Variants in OPCML observed in about 807,000 individuals in gnomAD.
OPCML encodes the protein opioid binding protein/cell adhesion molecule like, also known as opioid-binding protein/cell adhesion molecule.
In OPCML, 13 loss-of-function variants were observed where a neutral mutation model predicts 37.8. The observed-to-expected ratio is 0.34, with a 90% CI of 0.22 to 0.55. The LOEUF (loss-of-function observed/expected upper bound fraction) is 0.55. Ranked by LOEUF, OPCML falls within the 20% of genes least tolerant of loss-of-function variation. The probability of loss-of-function intolerance (pLI) is 0.91; values close to 1 mark genes in which losing one functional copy is unlikely to be tolerated. For synonymous variants in OPCML, 176 were observed against 168.8 expected (o/e 1.04, Z -0.33); for missense variants, 341 against 435.6 (o/e 0.78, Z 1.93).
At chr11:132,606,040 TC>T (rs1370663365) in intron 3 of OPCML, among the ~76,000 whole-genome samples, 1 of 152,168 alleles carries the variant, frequency 6.6e-6, no homozygotes, top group East Asian at 1.9e-4. Flanking sequence ...GGTACTTGGG[TC>T]CTTTTTCTTC....
chr11:132,671,605 A>G (rs1027831917), intron 2 of OPCML, among the ~76,000 whole-genome samples: 3 of 152,132 alleles, frequency 2.0e-5, no homozygotes, highest in African/African-American at 7.2e-5. Context: ...AGCCTTCTCC[A>G]TTTTACTCAT....
chr11:132,489,606 A>G (rs2096209719), intron 4 of OPCML, among the ~76,000 whole-genome samples: 1 of 152,172 alleles, frequency 6.6e-6, no homozygotes, highest in Admixed American at 6.5e-5. Context: ...TCACTAGGCA[A>G]CTGTGAGTTT....
chr11:132,578,803 C>T (rs1320837257), intron 3 of OPCML, among the ~76,000 whole-genome samples: 1 of 152,138 alleles, frequency 6.6e-6, no homozygotes, highest in East Asian at 1.9e-4. Context: ...GGAGCATTAT[C>T]ATATGCAATA....
In OPCML at chr11:133,434,434, G is replaced by T. The variant is rs143394665; in HGVS notation, c.61+97830C>A. Among the ~76,000 whole-genome samples, 1,139 of 147,770 alleles carry T rather than the reference G, an allele frequency of 7.7e-3. 12 individuals carry two copies. Among genetic ancestry groups the T allele is most frequent in the African/African-American group, 0.026 (1,007 of 39,260 alleles). ...TCATATTGAATATATATCAGACCTT[G>T]CTCATTTGTGTATAGAAGTTAGCAC... On this transcript the variant is annotated intron_variant, in intron 1 of 7. Coordinates refer to ENST00000524381, the MANE Select transcript of OPCML (RefSeq NM_001012393.5).
intron 1 of OPCML, among the ~76,000 whole-genome samples, chr11:133,100,164 T>A (rs1949065112): frequency 6.6e-6 from 1 of 152,136 alleles, no homozygotes; most frequent in Admixed American, 6.5e-5. Context: ...CTGAGTCTAC[T>A]TGAGCAGGAA....
chr11:132,957,907 A>G (rs1946005733), intron 1 of OPCML, among the ~76,000 whole-genome samples: 1 of 152,196 alleles, frequency 6.6e-6, no homozygotes, highest in Non-Finnish European at 1.5e-5. Context: ...CTGTTCCCTG[A>G]GACACAAAAA....
At chr11:132,556,524 C>T (rs1390456731) in intron 3 of OPCML, among the ~76,000 whole-genome samples, 2 of 152,184 alleles carry the variant, frequency 1.3e-5, no homozygotes, top group Non-Finnish European at 2.9e-5. Context: ...CCAAAGGTCA[C>T]ACAAACAGGA....
intron 4 of OPCML, among the ~76,000 whole-genome samples, chr11:132,492,510 CATT>C (rs966325989): frequency 5.9e-5 from 9 of 151,910 alleles, no homozygotes; most frequent in Non-Finnish European, 1.2e-4. Flanking sequence ...TTGTTGTTGT[CATT>C]GTTGTTGTCG....
chr11:132,841,448 G>T lies in OPCML; in HGVS notation c.146+101478C>A, dbSNP rs546932082. 8.4e-4 allele frequency among the ~76,000 whole-genome samples: 128 copies of T among 152,246 alleles called. 1 individual carries two copies. The highest frequency in any genetic ancestry group is 3.0e-3 in the African/African-American group (126 of 41,544). On this transcript the variant is annotated intron_variant, in intron 2 of 7. Coordinates refer to ENST00000524381, the MANE Select transcript of OPCML (RefSeq NM_001012393.5). ...GCCAGGCCTGCCAAGGCCCAGGGGG[G>T]TTAAAAATGAGATTCTTTGTAACTG...
At chr11:133,461,538 G>C (rs1446853553) in intron 1 of OPCML, among the ~76,000 whole-genome samples, 1 of 151,820 alleles carries the variant, frequency 6.6e-6, no homozygotes, top group Non-Finnish European at 1.5e-5. Flanking sequence ...AACTATTAAA[G>C]ACAATGGAGA....
rs1449220518 is a variant in OPCML, at chr11:133,140,832, C to A, written c.62-197822G>T. Reference sequence around the variant, plus strand: ...ACGACGACGAAGAAGAAGACGACGACGAAGAAGACGACGACGACGACGAAG... The same window carrying A: ...ACGACGACGAAGAAGAAGACGACGAAGAAGAAGACGACGACGACGACGAAG... On this transcript the variant is annotated intron_variant, in intron 1 of 7. Coordinates refer to ENST00000524381, the MANE Select transcript of OPCML (RefSeq NM_001012393.5). Among the ~76,000 whole-genome samples the A allele has an allele frequency of 8.7e-4, 75 of 86,704 alleles. 3 individuals carry two copies. Among genetic ancestry groups the A allele is most frequent in the African/African-American group, 5.1e-3 (73 of 14,198 alleles). 56.9% of individuals were successfully genotyped at this position (86,704 alleles called of 152,430 possible). A position where few individuals can be genotyped will look rare whatever the true frequency, so the allele number is the denominator to read the frequency against.
At chr11:133,501,630 G>A (rs1178134582) in intron 1 of OPCML, among the ~76,000 whole-genome samples, 2 of 151,918 alleles carry the variant, frequency 1.3e-5, no homozygotes, top group African/African-American at 2.4e-5. Context: ...GAACTACTTG[G>A]GGGAAGTCAG....
intron 1 of OPCML, among the ~76,000 whole-genome samples, chr11:133,037,746 A>G (rs959092025): frequency 3.3e-5 from 5 of 152,184 alleles, no homozygotes; most frequent in Admixed American, 2.0e-4. Flanking sequence ...ATTAGCACTT[A>G]CCTTCAAAGA....
At chr11:132,815,586 G>A (rs1254629363) in intron 2 of OPCML, among the ~76,000 whole-genome samples, 1 of 152,136 alleles carries the variant, frequency 6.6e-6, no homozygotes, top group African/African-American at 2.4e-5. Context: ...TGTGTGAGTT[G>A]AGAAGTGACA....
chr11:132,931,178 C>A (rs1203019198), intron 2 of OPCML, among the ~76,000 whole-genome samples: 1 of 150,826 alleles, frequency 6.6e-6, no homozygotes, highest in African/African-American at 2.4e-5. Context: ...AAATGGATCA[C>A]AGGCTTAAAC....
intron 2 of OPCML, among the ~76,000 whole-genome samples, chr11:132,866,459 C>T (rs907280895): frequency 3.9e-5 from 6 of 151,914 alleles, no homozygotes; most frequent in African/African-American, 1.2e-4. Context: ...AAAACAATCC[C>T]AATTGGTCAT....
intron 1 of OPCML, among the ~76,000 whole-genome samples, chr11:133,425,583 T>C (rs568335777): frequency 4.6e-5 from 7 of 152,314 alleles, no homozygotes; most frequent in African/African-American, 1.7e-4. Flanking sequence ...CTCCAACAAC[T>C]TCTATCCTTA....
At chr11:133,227,568 C>T (rs1156234482) in intron 1 of OPCML, among the ~76,000 whole-genome samples, 7 of 151,928 alleles carry the variant, frequency 4.6e-5, no homozygotes, top group African/African-American at 1.5e-4. Flanking sequence ...TTAAATATAC[C>T]GGTGGCTGTG....
At chr11:133,034,142 T>C (rs1354644701) in intron 1 of OPCML, among the ~76,000 whole-genome samples, 1 of 152,108 alleles carries the variant, frequency 6.6e-6, no homozygotes, top group Non-Finnish European at 1.5e-5. Flanking sequence ...GATGCTCCTA[T>C]AGGGGTAAGC....
Sources: gnomAD v4.1 joint callset for allele counts (sites outside exome capture counted in the v4.1 genomes callset) on GRCh38, gnomAD v4.1.1 for gene constraint, MANE v1.5 for transcripts, NCBI Gene and HGNC (gene_info 2026-07-23, HGNC 2026-07-21) for gene names.